SMC1B: variants seen among roughly 807,000 people sequenced by gnomAD.
SMC1B encodes structural maintenance of chromosomes protein 1B.
SMC1B carries 60 observed loss-of-function variants against 157.9 expected under a neutral mutation model. The observed-to-expected ratio is 0.38, with a 90% CI of 0.31 to 0.47. SMC1B has a LOEUF of 0.47. SMC1B is among the 20% of genes least tolerant of loss of function. The pLI is 0.99. For synonymous variants in SMC1B, 445 were observed against 483.0 expected, an observed-to-expected ratio of 0.92 and a Z score of 1.03; for missense variants, 1,165 against 1,426.2, an observed-to-expected ratio of 0.82 and a Z score of 2.95.
intron 5 of SMC1B, among the ~76,000 whole-genome samples, chr22:45,400,214 G>A (rs1479490067): frequency 3.9e-5 from 6 of 152,130 alleles, no homozygotes; most frequent in East Asian, 3.9e-4. Context: ...ACTGTTCTCC[G>A]ATAAAAGGAA....
Position 45,402,536 on chromosome 22 carries a change from T to G in SMC1B, c.651A>C (p.Lys217Asn). The G allele has an allele frequency of 6.2e-7, 1 of 1,613,848 alleles. No homozygotes were observed. The highest frequency in any genetic ancestry group is 1.1e-5 in the South Asian group (1 of 91,030). ...AAAGCTGCAGTTGTATCTTGTTCATTTTCAGTTCTTCAAGGAGACTCTGGT... is the reference window on the plus strand; with the variant it reads ...AAAGCTGCAGTTGTATCTTGTTCATGTTCAGTTCTTCAAGGAGACTCTGGT... Reference protein sequence around the residue: ...ERYQSLLEELKMNKIQLQLFQ... With the variant: ...ERYQSLLEELNMNKIQLQLFQ... Residue 217 changes from lysine to asparagine, a missense_variant, in exon 5 of 25, where the codon AAA becomes AAC. Physicochemically the swap from Lys to Asn is moderately conservative, Grantham distance 94. Transcript: ENST00000357450.
At chr22:45,409,065 T>G (rs1352117238) in intron 1 of SMC1B, among the ~76,000 whole-genome samples, 167 bp from the exon 2 acceptor site, 1 of 152,206 alleles carries the variant, frequency 6.6e-6, no homozygotes, top group East Asian at 1.9e-4. Context: ...GATAACTCAT[T>G]TCTTCTATGC....
At chr22:45,406,693 A>AT in intron 3 of SMC1B, 30 bp from the exon 4 acceptor site, 1 of 1,591,242 alleles carries the variant, frequency 6.3e-7, no homozygotes, top group Non-Finnish European at 8.5e-7. Context: ...ACATCAACAT[A>AT]TAAAATATAG....
intron 15 of SMC1B, among the ~76,000 whole-genome samples, chr22:45,363,524 TACA>T (rs2086741648): frequency 2.6e-5 from 4 of 151,992 alleles, no homozygotes; most frequent in South Asian, 4.2e-4. Flanking sequence ...GTACTAAAAA[TACA>T]ACAATTATCC....
intron 13 of SMC1B, among the ~76,000 whole-genome samples, chr22:45,371,894 T>TA (rs1295810483): frequency 6.6e-6 from 1 of 151,798 alleles, no homozygotes. Context: ...GCATGTCTAC[T>TA]AAAAAAATAC....
chr22:45,411,896 T>C (rs2087339477), intron 1 of SMC1B, among the ~76,000 whole-genome samples: 1 of 148,794 alleles, frequency 6.7e-6, no homozygotes, highest in Non-Finnish European at 1.5e-5. Context: ...ATTTTTTTGT[T>C]GAGACAGAGT....
At chr22:45,353,188 G>C (rs958112025) in intron 21 of SMC1B, among the ~76,000 whole-genome samples, 73 of 151,536 alleles carry the variant, frequency 4.8e-4, no homozygotes, top group African/African-American at 1.8e-3. Flanking sequence ...CTTGAACCCG[G>C]GAGGTGGAGG....
At chr22:45,408,670 C>T (rs1362787846) in intron 2 of SMC1B, 40 bp downstream of exon 2, 2 of 1,420,080 alleles carry the variant, frequency 1.4e-6, no homozygotes, top group Non-Finnish European at 1.9e-6. Flanking sequence ...TCTTACTTGA[C>T]TCTTGAAAAA....
rs184416648 is a variant in SMC1B at position 45,402,906 on chromosome 22, A to T, written c.616-335T>A. Among the ~76,000 whole-genome samples the T allele has an allele frequency of 4.3e-4, 65 of 152,346 alleles. No homozygotes were observed. In the South Asian group the frequency reaches 9.3e-3, roughly 22 times the overall value. ...ATCAGCTTCCTCCTTTGTAAACTGAAAGAAGAGTGTGATATGACTTATAAG... is the reference window on the plus strand; with the variant it reads ...ATCAGCTTCCTCCTTTGTAAACTGATAGAAGAGTGTGATATGACTTATAAG... On this transcript the variant is annotated intron_variant, in intron 4 of 24. Coordinates refer to ENST00000357450, the MANE Select transcript of SMC1B (RefSeq NM_148674.5).
chr22:45,366,215 T>C (rs547098271), intron 15 of SMC1B, among the ~76,000 whole-genome samples: 1 of 152,048 alleles, frequency 6.6e-6, no homozygotes. Context: ...GTAGAGATGA[T>C]GTTTCGCCAT....
chr22:45,390,627 C>A (rs1333831988), intron 9 of SMC1B, among the ~76,000 whole-genome samples: 1 of 151,276 alleles, frequency 6.6e-6, no homozygotes, highest in East Asian at 1.9e-4. Context: ...ATCGCTTGAA[C>A]TCGGGAGGCA....
At chr22:45,386,669 TAA>T (rs1012818630) in intron 11 of SMC1B, among the ~76,000 whole-genome samples, 196 bp downstream of exon 11, 7 of 152,204 alleles carry the variant, frequency 4.6e-5, no homozygotes, top group East Asian at 3.8e-4. Flanking sequence ...AGAAATGCTA[TAA>T]GAGTTTTTTT....
chr22:45,404,509 A>G (rs772271786), intron 4 of SMC1B, among the ~76,000 whole-genome samples: 1 of 152,222 alleles, frequency 6.6e-6, no homozygotes. Context: ...TCTGATAAGA[A>G]ACATTTACAA....
At chr22:45,359,150 TA>T (rs1446847687) in intron 18 of SMC1B, among the ~76,000 whole-genome samples, 9 of 152,222 alleles carry the variant, frequency 5.9e-5, no homozygotes, top group Non-Finnish European at 1.0e-4. Flanking sequence ...AGGATGCGCA[TA>T]GGTCATATAC....
chr22:45,364,922 C>G lies in SMC1B; in HGVS notation c.2421-1896G>C, dbSNP rs188123577. Among the ~76,000 whole-genome samples, 467 of 148,012 alleles carry G rather than the reference C, an allele frequency of 3.2e-3. 8 individuals are homozygous for G. The highest frequency in any genetic ancestry group is 1.5e-3 in the Non-Finnish European group (102 of 67,622). ...GCACGATCTCGGCTCACTGCAAGCT[C>G]CGCTTCCCGGGTTCACGCCATTCTG... On this transcript the variant is annotated intron_variant, in intron 15 of 24. Transcript: ENST00000357450.
At chr22:45,411,203 C>CCGA (rs2087329437) in intron 1 of SMC1B, among the ~76,000 whole-genome samples, 2 of 87,314 alleles carry the variant, frequency 2.3e-5, no homozygotes, top group African/African-American at 1.9e-4. Context: ...AAACTATCAA[C>CCGA]TGATGGATAA....
chr22:45,369,509 C>T (rs1419022020), intron 15 of SMC1B, among the ~76,000 whole-genome samples: 1 of 147,266 alleles, frequency 6.8e-6, no homozygotes, highest in Non-Finnish European at 1.5e-5. Flanking sequence ...AGTTAGATCT[C>T]TTTGTAAGAA....
At position 45,352,459 on chromosome 22, in the gene SMC1B, A is replaced by C. The variant is rs5765275; in HGVS notation, c.3417T>G (p.Ala1139=). The C allele has an allele frequency of 6.2e-7, 1 of 1,612,922 alleles. No homozygotes were observed. The highest frequency in any genetic ancestry group is 1.3e-5 in the African/African-American group (1 of 74,858). ...AGCTTTTGTGACCTTACCTGTGCAC[A>C]GCAAACAGGAGAGCCAAGGCTGCCA... The part of the protein sequence containing the change: ...KCVAALALLF[A]VHSFRPAPFF... The change falls in exon 22 of 25, where the codon GCT becomes GCG. Residue 1139 remains alanine, a synonymous_variant. Transcript: ENST00000357450.
In SMC1B at chr22:45,403,741, G is replaced by T. The variant is rs112582041; in HGVS notation, c.616-1170C>A. Among the ~76,000 whole-genome samples, 285 of 152,232 alleles carry T rather than the reference G, an allele frequency of 1.9e-3. 1 individual carries two copies. Among genetic ancestry groups the T allele is most frequent in the African/African-American group, 6.4e-3 (266 of 41,534 alleles). ...CCCAAAGTACTGGGATTAAAGATGT[G>T]AGCCACCATACCCAGCCCAACCCTG... On this transcript the variant is annotated intron_variant, in intron 4 of 24. Coordinates refer to ENST00000357450, the MANE Select transcript of SMC1B (RefSeq NM_148674.5).
Sources: allele counts gnomAD v4.1 joint callset (sites outside exome capture counted in the v4.1 genomes callset), GRCh38; gene constraint gnomAD v4.1.1; transcripts MANE v1.5; gene names NCBI Gene and HGNC (gene_info 2026-07-23, HGNC 2026-07-21).